ARNT2: variants seen among roughly 807,000 people sequenced by gnomAD.
ARNT2 encodes the protein aryl hydrocarbon receptor nuclear translocator 2, also known as ARNT protein 2.
In ARNT2, 36 loss-of-function variants were observed where a neutral mutation model predicts 91.7. The ratio of observed to expected loss-of-function variants is 0.39; its 90% confidence interval spans 0.30 to 0.52. The LOEUF (loss-of-function observed/expected upper bound fraction) is 0.52, where lower values mean the gene tolerates loss of function less well. Ranked by LOEUF, ARNT2 falls within the 20% of genes least tolerant of loss-of-function variation. ARNT2 has a pLI of 0.72. For synonymous variants in ARNT2, 365 were observed against 347.1 expected, an observed-to-expected ratio of 1.05 and a Z score of -0.57; for missense variants, 775 against 939.3, an observed-to-expected ratio of 0.83 and a Z score of 2.29.
intron 8 of ARNT2, among the ~76,000 whole-genome samples, chr15:80,536,942 G>A (rs1458124859): frequency 6.6e-6 from 1 of 152,154 alleles, no homozygotes; most frequent in Non-Finnish European, 1.5e-5. Flanking sequence ...TGACCTGACT[G>A]CAGGGGTGCT....
intron 6 of ARNT2, among the ~76,000 whole-genome samples, chr15:80,510,279 T>A (rs1897323621): frequency 6.6e-6 from 1 of 151,984 alleles, no homozygotes; most frequent in African/African-American, 2.4e-5. Flanking sequence ...GGGAGCTGGT[T>A]TGGGGTTGAG....
At chr15:80,463,305 G>A (rs375468627) in intron 3 of ARNT2, among the ~76,000 whole-genome samples, 4 of 152,150 alleles carry the variant, frequency 2.6e-5, no homozygotes, top group Non-Finnish European at 4.4e-5. Flanking sequence ...AGATTCAGCC[G>A]AGCCTTTCAG....
At chr15:80,574,363 T>G in intron 13 of ARNT2, 143 bp downstream of exon 13, 6 of 757,442 alleles carry the variant, frequency 7.9e-6, no homozygotes, top group Non-Finnish European at 1.3e-5. Context: ...GACCTACAGG[T>G]CCCCTGGGGG....
chr15:80,525,219 T>C (rs1897621343), intron 8 of ARNT2, among the ~76,000 whole-genome samples: 1 of 152,330 alleles, frequency 6.6e-6, no homozygotes. Flanking sequence ...TATTTTTGTT[T>C]GTTTGTTTTT....
At chr15:80,562,538 A>G (rs1309984239) in intron 11 of ARNT2, among the ~76,000 whole-genome samples, 1 of 152,246 alleles carries the variant, frequency 6.6e-6, no homozygotes, top group Non-Finnish European at 1.5e-5. Context: ...ATACATAGAA[A>G]CTTATAAATA....
chr15:80,586,517 A>G (rs1317791950), intron 17 of ARNT2, among the ~76,000 whole-genome samples: 1 of 152,308 alleles, frequency 6.6e-6, no homozygotes, highest in East Asian at 1.9e-4. Flanking sequence ...AGCCATGTCC[A>G]TCCCAGCCTG....
intron 3 of ARNT2, among the ~76,000 whole-genome samples, chr15:80,467,947 T>C (rs1244917304): frequency 6.6e-6 from 1 of 152,162 alleles, no homozygotes; most frequent in African/African-American, 2.4e-5. Context: ...GGTTCCTGAA[T>C]GCACTAAATA....
At chr15:80,538,479 G>A (rs1475826812) in intron 8 of ARNT2, among the ~76,000 whole-genome samples, 1 of 152,040 alleles carries the variant, frequency 6.6e-6, no homozygotes, top group Non-Finnish European at 1.5e-5. Context: ...TTGTACAAAG[G>A]AACCTGTCCC....
At chr15:80,466,743 A>G (rs1264363060) in intron 3 of ARNT2, among the ~76,000 whole-genome samples, 4 of 152,264 alleles carry the variant, frequency 2.6e-5, no homozygotes, top group Non-Finnish European at 5.9e-5. Flanking sequence ...TTGCTAAGTA[A>G]TTGGCAGCTG....
At chr15:80,526,508 A>T (rs1420208773) in intron 8 of ARNT2, among the ~76,000 whole-genome samples, 1 of 152,154 alleles carries the variant, frequency 6.6e-6, no homozygotes, top group African/African-American at 2.4e-5. Context: ...CTGGTTCCTC[A>T]CCTAACAATC....
chr15:80,428,037 T>C (rs1393965550), intron 1 of ARNT2, among the ~76,000 whole-genome samples: 1 of 152,182 alleles, frequency 6.6e-6, no homozygotes, highest in Admixed American at 6.5e-5. Context: ...AGATCTCTAT[T>C]TGTCTGTTGC....
chr15:80,563,375 G>A (rs1431698210), intron 12 of ARNT2, 136 bp downstream of exon 12: 2 of 1,077,058 alleles, frequency 1.9e-6, no homozygotes, highest in African/African-American at 1.6e-5. Flanking sequence ...TAAGAATAGA[G>A]GAGACTGTAG....
intron 15 of ARNT2, among the ~76,000 whole-genome samples, chr15:80,577,587 G>C (rs8041814): frequency 6.6e-6 from 1 of 152,166 alleles, no homozygotes; most frequent in Non-Finnish European, 1.5e-5. Context: ...GGGAGGGTAT[G>C]TGGGCACTCA....
chr15:80,431,146 G>T (rs902423036), intron 1 of ARNT2, among the ~76,000 whole-genome samples: 3 of 152,088 alleles, frequency 2.0e-5, no homozygotes, highest in African/African-American at 7.2e-5. Context: ...TCAAAATAAA[G>T]ACAAAAACAA....
intron 1 of ARNT2, among the ~76,000 whole-genome samples, chr15:80,438,507 A>G (rs2141575662): frequency 6.6e-6 from 1 of 152,366 alleles, no homozygotes; most frequent in East Asian, 1.9e-4. Context: ...GAAAAATTTA[A>G]AATCCTAAAG....
chr15:80,404,507 C>T lies in ARNT2; in HGVS notation c.-9C>T. 1 of 1,238,346 alleles carries T rather than the reference C, an allele frequency of 8.1e-7. No homozygotes were observed. The highest frequency in any genetic ancestry group is 1.0e-6 in the Non-Finnish European group (1 of 971,970). The allele number at this position is 1,238,346 out of a possible 1,614,324, so 76.7% of individuals were successfully genotyped here. A position where few individuals can be genotyped will look rare whatever the true frequency, so the allele number is the denominator to read the frequency against. On this transcript the variant is annotated 5_prime_UTR_variant, in exon 1 of 19. Coordinates refer to ENST00000303329, the MANE Select transcript of ARNT2 (RefSeq NM_014862.4). The surrounding 1 kb of genome is among the most constrained non-coding windows in gnomAD (Gnocchi z 5.5). ...CCTGCCAAGCGGGCGCCTATCCTCT[C>T]CGAGCAAGATGGCAACCCCGGCGGC...
chr15:80,490,642 G>A (rs772463873), intron 5 of ARNT2, among the ~76,000 whole-genome samples: 12 of 152,368 alleles, frequency 7.9e-5, no homozygotes, highest in South Asian at 4.1e-4. Context: ...CCTCGGGGCT[G>A]CCCACAGCCT....
intron 5 of ARNT2, among the ~76,000 whole-genome samples, chr15:80,499,508 T>G (rs981921655): frequency 2.4e-4 from 36 of 152,236 alleles, no homozygotes; most frequent in East Asian, 1.9e-4. Flanking sequence ...TTTCACTGTT[T>G]TATGTTTTTA....
chr15:80,459,545 G>A (rs1236783529), intron 3 of ARNT2, among the ~76,000 whole-genome samples: 1 of 152,116 alleles, frequency 6.6e-6, no homozygotes, highest in African/African-American at 2.4e-5. Context: ...GATGATTCCT[G>A]GGGCCTCAAA....
Sources: allele counts gnomAD v4.1 joint callset (sites outside exome capture counted in the v4.1 genomes callset), GRCh38; gene constraint gnomAD v4.1.1; non-coding constraint Gnocchi (gnomAD v3.1); transcripts MANE v1.5; gene names NCBI Gene and HGNC (gene_info 2026-07-23, HGNC 2026-07-21).